Variants in THSD7B observed in about 807,000 individuals in gnomAD.
THSD7B encodes the protein thrombospondin type 1 domain containing 7B, also known as thrombospondin type-1 domain-containing protein 7B.
In THSD7B, 138 loss-of-function variants were observed where a neutral mutation model predicts 213.6. The ratio of observed to expected loss-of-function variants is 0.65; its 90% CI spans 0.56 to 0.74. The LOEUF (loss-of-function observed/expected upper bound fraction) is 0.74. THSD7B is among the 30% of genes least tolerant of loss of function. The pLI, the probability that THSD7B is intolerant of heterozygous loss-of-function variation, is 0.00. For missense variants in THSD7B, 1,931 were observed against 1,991.5 expected (o/e 0.97, Z 0.58); for synonymous variants, 742 against 687.0 (o/e 1.08, Z -1.25).
At chr2:136,927,688 C>T (rs1342954204) in intron 2 of THSD7B, among the ~76,000 whole-genome samples, 1 of 152,152 alleles carries the variant, frequency 6.6e-6, no homozygotes, top group Non-Finnish European at 1.5e-5. Context: ...GGAATGAAGT[C>T]TACTTTGGTT....
At chr2:137,038,358 G>A (rs1686816193) in intron 2 of THSD7B, among the ~76,000 whole-genome samples, 1 of 152,106 alleles carries the variant, frequency 6.6e-6, no homozygotes, top group African/African-American at 2.4e-5. Flanking sequence ...ATCTGATGAA[G>A]AAGAGCCATT....
At chr2:137,279,647 T>A (rs1296789560) in intron 12 of THSD7B, among the ~76,000 whole-genome samples, 2 of 152,010 alleles carry the variant, frequency 1.3e-5, no homozygotes, top group African/African-American at 4.8e-5. Flanking sequence ...GGAAGGAAAT[T>A]TAGATTGGGG....
intron 17 of THSD7B, among the ~76,000 whole-genome samples, chr2:137,574,176 T>G (rs1681413276): frequency 6.6e-6 from 1 of 152,076 alleles, no homozygotes. Flanking sequence ...ATTGCCGTCT[T>G]AAGGTATCTG....
chr2:137,491,756 C>T (rs1403662916), intron 15 of THSD7B, among the ~76,000 whole-genome samples: 1 of 152,146 alleles, frequency 6.6e-6, no homozygotes, highest in East Asian at 1.9e-4. Flanking sequence ...GTCTTCCCCA[C>T]TATTAGTGTC....
rs572309147 is a variant in THSD7B, at chr2:137,203,512, C to T, written c.1724-27532C>T. ...TCTTTACATGTGAAATAGATCTTGA[C>T]CATGCTCCTGGTTCTAGGCCAAAAT... is the stretch of plus-strand genomic sequence containing the variant. On this transcript the variant is annotated intron_variant, in intron 7 of 27. Coordinates refer to ENST00000409968, the MANE Select transcript of THSD7B (RefSeq NM_001316349.2). 3.1e-4 allele frequency among the ~76,000 whole-genome samples: 47 copies of T among 152,062 alleles called. 1 individual carries two copies. In the South Asian group the frequency reaches 8.7e-3, roughly 28 times the overall value.
intron 15 of THSD7B, among the ~76,000 whole-genome samples, chr2:137,518,357 G>A (rs1340248242): frequency 6.6e-6 from 1 of 152,146 alleles, no homozygotes; most frequent in Non-Finnish European, 1.5e-5. Context: ...TTCCCAGTGG[G>A]CAGAATTTCA....
At chr2:137,636,869 A>G (rs762843781) in intron 20 of THSD7B, among the ~76,000 whole-genome samples, 27 of 152,114 alleles carry the variant, frequency 1.8e-4, no homozygotes, top group African/African-American at 5.3e-4. Flanking sequence ...TGTTTTTTCT[A>G]TAGATATGAG....
intron 27 of THSD7B, among the ~76,000 whole-genome samples, chr2:137,671,941 A>T (rs886873437): frequency 6.6e-6 from 1 of 152,102 alleles, no homozygotes; most frequent in African/African-American, 2.4e-5. Context: ...TAACTTGTTC[A>T]TGTCTCTTTT....
chr2:137,080,765 C>G (rs1240687387), intron 3 of THSD7B, among the ~76,000 whole-genome samples: 1 of 151,980 alleles, frequency 6.6e-6, no homozygotes, highest in African/African-American at 2.4e-5. Context: ...TTTTTCATAG[C>G]ATGAAATATT....
In THSD7B at chr2:137,405,443, A is replaced by G. The variant is rs940769144; in HGVS notation, c.2501-170A>G. Among the ~76,000 whole-genome samples the G allele has an allele frequency of 2.0e-5, 3 of 152,176 alleles. No individual in the cohort carries two copies. In the South Asian group the frequency reaches 6.2e-4, roughly 32 times the overall value. ...TCCTCAAATACCTCCAATGACAACAATAAAAATTTAATTTCCAGAGAGAAA... is the reference window on the plus strand; with the variant it reads ...TCCTCAAATACCTCCAATGACAACAGTAAAAATTTAATTTCCAGAGAGAAA... On this transcript the variant is annotated intron_variant, in intron 12 of 27. Transcript: ENST00000409968.
chr2:137,385,473 T>TGTCTAAAC (rs904885511), intron 12 of THSD7B, among the ~76,000 whole-genome samples: 1 of 152,206 alleles, frequency 6.6e-6, no homozygotes, highest in African/African-American at 2.4e-5. Flanking sequence ...CTCAGTCCCC[T>TGTCTAAAC]GTCTAAACTC....
intron 6 of THSD7B, among the ~76,000 whole-genome samples, chr2:137,168,865 G>A (rs1680184152): frequency 6.6e-6 from 1 of 152,154 alleles, no homozygotes; most frequent in Non-Finnish European, 1.5e-5. Flanking sequence ...GTAGGTCATT[G>A]TAGTTTGATG....
chr2:137,524,724 C>G (rs1441912161), intron 15 of THSD7B, among the ~76,000 whole-genome samples: 1 of 152,144 alleles, frequency 6.6e-6, no homozygotes, highest in Non-Finnish European at 1.5e-5. Flanking sequence ...TGAGGTTATT[C>G]TTACATGGGA....
intron 17 of THSD7B, among the ~76,000 whole-genome samples, chr2:137,608,709 C>T (rs1235679087): frequency 2.6e-5 from 4 of 152,138 alleles, no homozygotes; most frequent in Non-Finnish European, 5.9e-5. Flanking sequence ...GTTTCCCTCA[C>T]TATTATCCAT....
chr2:136,996,696 G>C (rs1018620234), intron 2 of THSD7B, among the ~76,000 whole-genome samples: 1 of 151,996 alleles, frequency 6.6e-6, no homozygotes, highest in African/African-American at 2.4e-5. Context: ...AGAAATTGGT[G>C]CTTTTAATAA....
rs960717665 is a variant in THSD7B, at chr2:137,174,645, G to A, written c.1723+3707G>A. 4.6e-5 allele frequency among the ~76,000 whole-genome samples: 7 copies of A among 152,084 alleles called. 1 individual carries two copies. The highest frequency in any genetic ancestry group is 4.6e-4 in the Admixed American group (7 of 15,266). Reference sequence around the variant, plus strand: ...TTTCTCCCTCAAGCCTGTAATTATAGCAAACATTATGTTAGTCAGTGATAT... The same window carrying A: ...TTTCTCCCTCAAGCCTGTAATTATAACAAACATTATGTTAGTCAGTGATAT... On this transcript the variant is annotated intron_variant, in intron 7 of 27. Transcript: ENST00000409968.
intron 7 of THSD7B, among the ~76,000 whole-genome samples, chr2:137,199,049 G>T (rs77450458): frequency 2.6e-5 from 4 of 152,102 alleles, no homozygotes; most frequent in Admixed American, 1.3e-4. Flanking sequence ...GAGCTGAACC[G>T]CACGGCACTC....
At chr2:136,948,125 A>T (rs570367160) in intron 2 of THSD7B, among the ~76,000 whole-genome samples, 15 of 150,940 alleles carry the variant, frequency 9.9e-5, no homozygotes, top group African/African-American at 3.2e-4. Context: ...GTTTTTTTTT[A>T]AATGACTAAA....
rs1686497519 is a variant in THSD7B at position 137,405,602 on chromosome 2, C to T, written c.2501-11C>T. The T allele has an allele frequency of 1.3e-6, 2 of 1,578,988 alleles. No homozygotes were observed. Among genetic ancestry groups the T allele is most frequent in the Non-Finnish European group, 1.7e-6 (2 of 1,161,998 alleles). On this transcript the variant is annotated splice_polypyrimidine_tract_variant and intron_variant, in intron 12 of 27. Transcript: ENST00000409968. ...CAAAATAATAACAAAAGAATTCATG[C>T]TTTTTTTCAGCTGTCTCATGCATCT... is the stretch of plus-strand genomic sequence containing the variant.
Sources: gnomAD v4.1 joint callset for allele counts (sites outside exome capture counted in the v4.1 genomes callset) on GRCh38, gnomAD v4.1.1 for gene constraint, MANE v1.5 for transcripts, NCBI Gene and HGNC (gene_info 2026-07-23, HGNC 2026-07-21) for gene names.